Variants in SPAG16 observed in about 807,000 individuals in gnomAD.
SPAG16 encodes the protein sperm associated antigen 16, also known as sperm-associated antigen 16 protein.
A neutral mutation model predicts 80.4 loss-of-function variants in SPAG16; 86 were observed. The ratio of observed to expected loss-of-function variants is 1.07; its 90% CI spans 0.90 to 1.28. SPAG16 has a LOEUF of 1.28. Among genes scored for constraint, SPAG16 ranks in the 50% most tolerant of loss-of-function variants. The pLI is 0.00. For missense variants in SPAG16, 870 were observed against 765.3 expected (o/e 1.14, Z -1.61); for synonymous variants, 294 against 265.9 (o/e 1.11, Z -1.03).
intron 10 of SPAG16, among the ~76,000 whole-genome samples, chr2:213,744,979 A>AT (rs1232259892): frequency 6.6e-6 from 1 of 152,106 alleles, no homozygotes; most frequent in Non-Finnish European, 1.5e-5. Flanking sequence ...TCATTTATGG[A>AT]TTTTGGGTAT....
chr2:213,366,559 A>G (rs1297662399), intron 8 of SPAG16, among the ~76,000 whole-genome samples: 1 of 152,184 alleles, frequency 6.6e-6, no homozygotes, highest in Non-Finnish European at 1.5e-5. Context: ...ACTGCCCTTT[A>G]TAAAACCATC....
intron 9 of SPAG16, among the ~76,000 whole-genome samples, chr2:213,482,629 GTTC>G (rs2073804384): frequency 6.6e-6 from 1 of 151,760 alleles, no homozygotes; most frequent in Non-Finnish European, 1.5e-5. Flanking sequence ...GTATAATTAT[GTTC>G]TTCTTAGGTA....
chr2:214,144,021 G>A (rs986302790), intron 14 of SPAG16, among the ~76,000 whole-genome samples: 9 of 152,074 alleles, frequency 5.9e-5, no homozygotes, highest in African/African-American at 2.2e-4. Flanking sequence ...AGCTGGGGGT[G>A]TTGACAAACA....
chr2:213,749,192 A>G (rs2067971835), intron 10 of SPAG16, among the ~76,000 whole-genome samples: 1 of 151,994 alleles, frequency 6.6e-6, no homozygotes, highest in Admixed American at 6.6e-5. Context: ...AAACACTCAG[A>G]AAAACTTTAT....
intron 10 of SPAG16, among the ~76,000 whole-genome samples, chr2:213,611,803 T>A (rs1259005): frequency 0.19 from 29,576 of 152,104 alleles, 3,069 homozygotes; most frequent in South Asian, 0.29. Flanking sequence ...AGTAAAGACA[T>A]CTCTTGTTTC....
intron 15 of SPAG16, among the ~76,000 whole-genome samples, chr2:214,235,523 C>T (rs1465403820): frequency 6.6e-6 from 1 of 152,072 alleles, no homozygotes; most frequent in Admixed American, 6.6e-5. Flanking sequence ...TAAACACCTA[C>T]AGCTTTAAAC....
In SPAG16 at chr2:214,241,277, G is replaced by A. The variant is rs557732276; in HGVS notation, c.1720+92011G>A. 19 of 150,330 alleles carry A rather than the reference G, an allele frequency of 1.3e-4. 1 individual carries two copies. Among genetic ancestry groups the A allele is most frequent in the African/African-American group, 4.6e-4 (19 of 40,872 alleles). The allele number at this position is 150,330 out of a possible 1,614,324, so 9.3% of individuals were successfully genotyped here. On this transcript the variant is annotated intron_variant, in intron 15 of 15. Transcript: ENST00000331683. ...AAAAGCTGAGGCAGGAGAATTGCTTGAACCTGAGAGGCGGAGCTTGCAGTG... is the reference window on the plus strand; with the variant it reads ...AAAAGCTGAGGCAGGAGAATTGCTTAAACCTGAGAGGCGGAGCTTGCAGTG...
At chr2:214,140,296 T>G (rs2055283998) in intron 14 of SPAG16, among the ~76,000 whole-genome samples, 1 of 152,002 alleles carries the variant, frequency 6.6e-6, no homozygotes, top group Non-Finnish European at 1.5e-5. Flanking sequence ...TTTTAAACCT[T>G]TGGTGTAATT....
intron 13 of SPAG16, among the ~76,000 whole-genome samples, chr2:214,042,007 T>TATATATATATATATAC (rs1371293247): frequency 9.9e-6 from 1 of 101,222 alleles, no homozygotes; most frequent in African/African-American, 4.3e-5. Context: ...TATATATATA[T>TATATATATATATATAC]ACACACACAC....
intron 10 of SPAG16, among the ~76,000 whole-genome samples, chr2:213,859,059 A>G (rs944475544): frequency 4.6e-5 from 7 of 151,082 alleles, no homozygotes; most frequent in Non-Finnish European, 1.0e-4. Flanking sequence ...CGCACCTGTA[A>G]TCCCAGCTAC....
chr2:213,946,778 C>T (rs1283774020), intron 12 of SPAG16, among the ~76,000 whole-genome samples: 1 of 152,062 alleles, frequency 6.6e-6, no homozygotes. Flanking sequence ...ATCAATGCAA[C>T]CAACACCATA....
In SPAG16 at chr2:213,831,790, TATTA is replaced by T. The variant is rs534397640; in HGVS notation, c.1071-30687_1071-30684del. Among the ~76,000 whole-genome samples the T allele has an allele frequency of 4.7e-3, 720 of 152,236 alleles. 1 individual carries two copies. Among genetic ancestry groups the T allele is most frequent in the Non-Finnish European group, 7.8e-3 (528 of 68,010 alleles). ...CATTTAGCATTTTAAAACTTTACAA[TATTA>T]ATTAATTTAATCCTCTTAATCATAT... On this transcript the variant is annotated intron_variant, in intron 10 of 15. Transcript: ENST00000331683.
At chr2:213,500,653 A>G (rs2074701470) in intron 10 of SPAG16, among the ~76,000 whole-genome samples, 1 of 152,228 alleles carries the variant, frequency 6.6e-6, no homozygotes, top group Non-Finnish European at 1.5e-5. Context: ...ATTATTGACT[A>G]TGGGCCTAGA....
chr2:213,327,723 G>A (rs552587306), intron 5 of SPAG16, among the ~76,000 whole-genome samples: 1 of 152,136 alleles, frequency 6.6e-6, no homozygotes, highest in South Asian at 2.1e-4. Context: ...GATACACAGT[G>A]TTACTAATAT....
chr2:213,827,763 T>C (rs1240420423), intron 10 of SPAG16, among the ~76,000 whole-genome samples: 2 of 152,036 alleles, frequency 1.3e-5, no homozygotes, highest in East Asian at 1.9e-4. Context: ...TTTTCCTTCA[T>C]GTTTGGAAGG....
Position 213,642,737 on chromosome 2 carries a change from C to A in SPAG16, c.1070+152647C>A, listed in dbSNP as rs546020475. On this transcript the variant is annotated intron_variant, in intron 10 of 15. Transcript: ENST00000331683. Reference sequence around the variant, plus strand: ...TTGGGAGGCTGAGGCAGGAGAATGGCGTGAACCCGGGAGGCGGAGCTTGCA... The same window carrying A: ...TTGGGAGGCTGAGGCAGGAGAATGGAGTGAACCCGGGAGGCGGAGCTTGCA... Among the ~76,000 whole-genome samples the A allele has an allele frequency of 1.8e-4, 11 of 61,996 alleles. 2 individuals carry two copies. In the South Asian group the frequency reaches 4.9e-3, roughly 28 times the overall value. The allele number at this position is 61,996 out of a possible 152,430, so 40.7% of individuals were successfully genotyped here. A position where few individuals can be genotyped will look rare whatever the true frequency, so the allele number is the denominator to read the frequency against.
At chr2:213,593,746 CTTTTTTTTTTTTTTTTTTTT>C (rs541949006) in intron 10 of SPAG16, among the ~76,000 whole-genome samples, 69 of 50,170 alleles carry the variant, frequency 1.4e-3, no homozygotes, top group Middle Eastern at 0.013. Context: ...CCCACCACAT[CTTTTTTTTTTTTTTTTTTTT>C]TTTTTTTTTT....
At chr2:213,668,247 A>G (rs1426414821) in intron 10 of SPAG16, among the ~76,000 whole-genome samples, 2 of 151,222 alleles carry the variant, frequency 1.3e-5, no homozygotes, top group South Asian at 2.1e-4. Flanking sequence ...CCAAAATTCT[A>G]TTTTTTAAAA....
chr2:213,923,613 G>A (rs895863659), intron 11 of SPAG16, among the ~76,000 whole-genome samples: 1 of 152,200 alleles, frequency 6.6e-6, no homozygotes, highest in Admixed American at 6.5e-5. Context: ...AGGGATGGAT[G>A]GGGTTGTCTG....
Sources: allele counts gnomAD v4.1 joint callset (sites outside exome capture counted in the v4.1 genomes callset), GRCh38; gene constraint gnomAD v4.1.1; transcripts MANE v1.5; gene names NCBI Gene and HGNC (gene_info 2026-07-23, HGNC 2026-07-21).